Variants in ATF7IP observed in about 807,000 individuals in gnomAD.
The protein encoded by ATF7IP is activating transcription factor 7-interacting protein 1.
A neutral mutation model predicts 106.4 loss-of-function variants in ATF7IP; 23 were observed. The ratio of observed to expected loss-of-function variants is 0.22; its 90% CI spans 0.16 to 0.31. The LOEUF is 0.31. ATF7IP is among the 10% of genes least tolerant of loss of function. The pLI, the probability that ATF7IP is intolerant of heterozygous loss-of-function variation, is 1.00. For synonymous variants in ATF7IP, 542 were observed against 539.0 expected (o/e 1.01, Z -0.08); for missense variants, 1,334 against 1,524.3 (o/e 0.88, Z 2.08).
chr12:14,494,905 C>A (rs1944962644), intron 13 of ATF7IP, among the ~76,000 whole-genome samples: 1 of 141,210 alleles, frequency 7.1e-6, no homozygotes, highest in Non-Finnish European at 1.5e-5. Flanking sequence ...TGCACTCCAG[C>A]CTGGGCAACA....
At chr12:14,478,082 A>AT (rs747507932) in intron 11 of ATF7IP, among the ~76,000 whole-genome samples, 2 of 152,182 alleles carry the variant, frequency 1.3e-5, no homozygotes, top group African/African-American at 2.4e-5. Context: ...TTATTTCTGA[A>AT]TTTCTGTAAA....
Position 14,475,876 on chromosome 12 carries a change from G to T in ATF7IP, c.2863-14G>T. The T allele has an allele frequency of 6.3e-7, 1 of 1,599,478 alleles. No homozygotes were observed. The highest frequency in any genetic ancestry group is 1.4e-5 in the African/African-American group (1 of 73,856). On this transcript the variant is annotated splice_polypyrimidine_tract_variant and intron_variant, in intron 10 of 14. Coordinates refer to ENST00000261168, the MANE Select transcript of ATF7IP (RefSeq NM_018179.5). ...AGAGTTTTCTTTGTAAAATGTAGAAGTTTTGTTTTTCAGTGTGGAAAAGCC... is the reference window on the plus strand; with the variant it reads ...AGAGTTTTCTTTGTAAAATGTAGAATTTTTGTTTTTCAGTGTGGAAAAGCC...
chr12:14,486,500 G>A (rs1316903579), intron 13 of ATF7IP, among the ~76,000 whole-genome samples: 3 of 152,124 alleles, frequency 2.0e-5, no homozygotes, highest in Admixed American at 6.5e-5. Flanking sequence ...ACTGGCTCAA[G>A]TCTAGAGATT....
chr12:14,368,508 A>G (rs1938397261), intron 1 of ATF7IP, among the ~76,000 whole-genome samples: 1 of 152,088 alleles, frequency 6.6e-6, no homozygotes, highest in Non-Finnish European at 1.5e-5. Context: ...TCATTTCTCT[A>G]TTAAAAATAA....
At chr12:14,426,084 C>T (rs75769516) in intron 2 of ATF7IP, among the ~76,000 whole-genome samples, 2 of 152,074 alleles carry the variant, frequency 1.3e-5, no homozygotes, top group African/African-American at 4.8e-5. Flanking sequence ...ACCCAATTCT[C>T]TTATTTGATA....
At chr12:14,400,569 A>AT (rs374290771) in intron 1 of ATF7IP, among the ~76,000 whole-genome samples, 2,423 of 150,058 alleles carry the variant, frequency 0.016, 74 homozygotes, top group African/African-American at 0.056. Context: ...TTTCTCAGAG[A>AT]TTTTTTTTTT....
At chr12:14,404,019 A>ATT (rs111949675) in intron 1 of ATF7IP, among the ~76,000 whole-genome samples, 12 of 148,202 alleles carry the variant, frequency 8.1e-5, no homozygotes, top group Admixed American at 1.4e-4. Context: ...AATTTGAGTG[A>ATT]TTTTTTTTTT....
At position 14,425,088 on chromosome 12, in the gene ATF7IP, A is replaced by G; in HGVS notation, c.1173A>G (p.Glu391=). 6.3e-7 allele frequency: 1 copy of G among 1,591,562 alleles called. No homozygotes were observed. Among genetic ancestry groups the G allele is most frequent in the Non-Finnish European group, 8.5e-7 (1 of 1,174,122 alleles). Reference sequence around the variant, plus strand: ...AAGATGCTATATCTAGCAGTATGGAAATTGACCAAGGTGAAAAGAATGAAG... The same window carrying G: ...AAGATGCTATATCTAGCAGTATGGAGATTGACCAAGGTGAAAAGAATGAAG... ...LGEDAISSSM[E]IDQGEKNEDE... is the part of the protein sequence containing the mutation. Residue 391 remains glutamate (E), a synonymous_variant, in exon 2 of 15, where the codon GAA becomes GAG. Transcript: ENST00000261168.
At chr12:14,393,370 T>C (rs762106484) in intron 1 of ATF7IP, among the ~76,000 whole-genome samples, 1 of 152,194 alleles carries the variant, frequency 6.6e-6, no homozygotes, top group Non-Finnish European at 1.5e-5. Context: ...TCTTTTGATA[T>C]AAGATCTTTC....
In ATF7IP at chr12:14,424,308, T is replaced by C. The variant is rs1212664921; in HGVS notation, c.393T>C (p.Ser131=). 1.2e-6 allele frequency: 2 copies of C among 1,614,226 alleles called. No individual in the cohort carries two copies. The highest frequency in any genetic ancestry group is 1.1e-5 in the South Asian group (1 of 91,082). ...CTAAACTGCCTGCTGAACCAGTTTCTGGTGATCCAGCCCCTGGTGATCTGG... is the reference window on the plus strand; with the variant it reads ...CTAAACTGCCTGCTGAACCAGTTTCCGGTGATCCAGCCCCTGGTGATCTGG... ...PVSKLPAEPV[S]GDPAPGDLDA... Residue 131 remains serine, a synonymous_variant, in exon 2 of 15, where the codon TCT becomes TCC. Coordinates refer to ENST00000261168, the MANE Select transcript of ATF7IP (RefSeq NM_018179.5).
In ATF7IP at chr12:14,440,011, A is replaced by G. The variant is rs570866500; in HGVS notation, c.1929+1744A>G. On this transcript the variant is annotated intron_variant, in intron 5 of 14. Coordinates refer to ENST00000261168, the MANE Select transcript of ATF7IP (RefSeq NM_018179.5). Reference sequence around the variant, plus strand: ...TTTGAATCTTTCTAACACCAAGCCAATCATCTTCTCTGCAAATGTTCCTGT... The same window carrying G: ...TTTGAATCTTTCTAACACCAAGCCAGTCATCTTCTCTGCAAATGTTCCTGT... Among the ~76,000 whole-genome samples, 8 of 152,302 alleles carry G rather than the reference A, an allele frequency of 5.3e-5. No individual in the cohort carries two copies. In the South Asian group the frequency reaches 1.4e-3, roughly 28 times the overall value.
intron 1 of ATF7IP, among the ~76,000 whole-genome samples, chr12:14,407,597 T>C (rs1274088261): frequency 1.3e-5 from 2 of 152,144 alleles, no homozygotes; most frequent in African/African-American, 4.8e-5. Context: ...TGCATTCTGT[T>C]ATCTGGGTAA....
At chr12:14,488,256 C>T (rs1005578940) in intron 13 of ATF7IP, among the ~76,000 whole-genome samples, 1 of 151,864 alleles carries the variant, frequency 6.6e-6, no homozygotes, top group Non-Finnish European at 1.5e-5. Context: ...TTATATATAT[C>T]TATAGTATAA....
At position 14,425,447 on chromosome 12, in the gene ATF7IP, T is replaced by C. The variant is rs967871873; in HGVS notation, c.1532T>C (p.Ile511Thr). 1.3e-6 allele frequency: 2 copies of C among 1,561,974 alleles called. No individual in the cohort carries two copies. Among genetic ancestry groups the C allele is most frequent in the African/African-American group, 2.8e-5 (2 of 72,458 alleles). Residue 511 changes from isoleucine to threonine, a missense_variant, in exon 2 of 15, where the codon ATA becomes ACA. Ile to Thr is a moderately conservative substitution (Grantham distance 89). Around this residue, in one of 10 missense-constraint regions of ATF7IP, gnomAD observed 119 missense variants for 117.8 expected, o/e 1.01. Coordinates refer to ENST00000261168, the MANE Select transcript of ATF7IP (RefSeq NM_018179.5). ...GGTGAAAAAGATGAGTCTGAAGTTATATCGCAAAATGAAACGTGCTCTCCA... is the reference window on the plus strand; with the variant it reads ...GGTGAAAAAGATGAGTCTGAAGTTACATCGCAAAATGAAACGTGCTCTCCA... The part of the protein sequence containing the change: ...ISGEKDESEV[I>T]SQNETCSPAE...
intron 5 of ATF7IP, among the ~76,000 whole-genome samples, chr12:14,446,502 G>A (rs1424278814): frequency 6.6e-6 from 1 of 152,140 alleles, no homozygotes; most frequent in Non-Finnish European, 1.5e-5. Flanking sequence ...AATTTAATTT[G>A]TGAAAAAGTA....
At chr12:14,463,621 G>A (rs1943719097) in intron 9 of ATF7IP, among the ~76,000 whole-genome samples, 1 of 152,160 alleles carries the variant, frequency 6.6e-6, no homozygotes, top group African/African-American at 2.4e-5. Context: ...AAGAATGGGG[G>A]AAATACGGTT....
At chr12:14,407,029 G>T (rs959645972) in intron 1 of ATF7IP, among the ~76,000 whole-genome samples, 2 of 152,086 alleles carry the variant, frequency 1.3e-5, no homozygotes, top group Non-Finnish European at 2.9e-5. Flanking sequence ...ACTTAAAATG[G>T]TTCTGTGTTC....
chr12:14,490,760 C>A (rs1356521852), intron 13 of ATF7IP, among the ~76,000 whole-genome samples: 1 of 152,100 alleles, frequency 6.6e-6, no homozygotes, highest in Non-Finnish European at 1.5e-5. Context: ...TTGAGCCACT[C>A]CTCATGTAAA....
chr12:14,405,403 C>CT (rs145211652), intron 1 of ATF7IP, among the ~76,000 whole-genome samples: 890 of 83,572 alleles, frequency 0.011, 74 homozygotes, highest in East Asian at 0.048. Context: ...TTTCTTTCAT[C>CT]TTTTTTTTTT....
Sources: allele counts gnomAD v4.1 joint callset (sites outside exome capture counted in the v4.1 genomes callset), GRCh38; gene constraint gnomAD v4.1.1; regional missense constraint gnomAD v4.1.1; transcripts MANE v1.5; gene names NCBI Gene and HGNC (gene_info 2026-07-23, HGNC 2026-07-21).